Variants in RFWD3 observed in about 807,000 individuals in gnomAD.
The protein encoded by RFWD3 is E3 ubiquitin-protein ligase RFWD3.
RFWD3 carries 65 observed loss-of-function variants against 87.7 expected under a neutral mutation model. That is an observed-to-expected ratio of 0.74 (90% CI 0.61 to 0.91). The LOEUF (loss-of-function observed/expected upper bound fraction) is 0.91. Among genes scored for constraint, RFWD3 ranks in the 40% least tolerant of loss-of-function variants. The pLI is 0.00. For synonymous variants in RFWD3, 433 were observed against 352.8 expected, an observed-to-expected ratio of 1.23 and a Z score of -2.55; for missense variants, 1,078 against 938.5, an observed-to-expected ratio of 1.15 and a Z score of -1.94.
At chr16:74,626,822 G>GAGAC (rs10637348) in intron 11 of RFWD3, among the ~76,000 whole-genome samples, 1 of 60 alleles carries the variant, frequency 0.017, no homozygotes, top group Non-Finnish European at 0.045. Flanking sequence ...AAACAATTCT[G>GAGAC]TGAGTTGTCT....
intron 4 of RFWD3, among the ~76,000 whole-genome samples, chr16:74,645,745 C>CTTTTTTTTTTTTTTTTTTTT (rs71376293): frequency 2.7e-5 from 2 of 74,212 alleles, no homozygotes; most frequent in South Asian, 6.2e-4. Flanking sequence ...CAAATATTTT[C>CTTTTTTTTTTTTTTTTTTTT]TTTTTTTTTT....
chr16:74,623,462 CTT>C lies in RFWD3; in HGVS notation c.*464_*465del, dbSNP rs1567562710. On this transcript the variant is annotated 3_prime_UTR_variant, in exon 13 of 13. Coordinates refer to ENST00000361070, the MANE Select transcript of RFWD3 (RefSeq NM_018124.4). ...CTCTTGTGTTCAACTGAATAATACT[CTT>C]TTACATCTACGTTGCATCAAATCAG... 3 of 154,660 alleles carry C rather than the reference CTT, an allele frequency of 1.9e-5. No individual in the cohort carries two copies. Among genetic ancestry groups the C allele is most frequent in the Non-Finnish European group, 2.9e-5 (2 of 69,690 alleles). 9.6% of individuals were successfully genotyped at this position (154,660 alleles called of 1,614,324 possible).
chr16:74,651,979 G>A lies in RFWD3; in HGVS notation c.662C>T (p.Ser221Phe). The change falls in exon 3 of 13, where the codon TCT becomes TTT. Residue 221 changes from serine (S) to phenylalanine (F), a missense_variant. Coordinates refer to ENST00000361070, the MANE Select transcript of RFWD3 (RefSeq NM_018124.4). ...GTCAACAACCCCTCCATACTCTGCA[G>A]AGCTGTCACTGTCAGAATCAGAACT... ...SSSSDSDSDS[S>F]AEYGGVVDQA... 6.2e-7 allele frequency: 1 copy of A among 1,614,024 alleles called. No individual in the cohort carries two copies. Among genetic ancestry groups the A allele is most frequent in the Non-Finnish European group, 8.5e-7 (1 of 1,179,970 alleles).
intron 2 of RFWD3, 58 bp downstream of exon 2, chr16:74,660,874 T>A: frequency 6.5e-7 from 1 of 1,534,048 alleles, no homozygotes; most frequent in Non-Finnish European, 8.8e-7. Context: ...TGGCAGAGCC[T>A]CAGTTTCATA....
chr16:74,651,655 G>A (rs1379423434), intron 3 of RFWD3, among the ~76,000 whole-genome samples: 8 of 152,248 alleles, frequency 5.3e-5, no homozygotes, highest in South Asian at 4.1e-4. Context: ...TACTTTCTCA[G>A]ATGTCTGAAG....
chr16:74,661,305 C>G lies in RFWD3; in HGVS notation c.145G>C (p.Val49Leu). 2.5e-6 allele frequency: 4 copies of G among 1,613,996 alleles called. No individual in the cohort carries two copies. The South Asian group carries it at 4.4e-5, about 18-fold the overall frequency. ...VPADVVSSQG[V>L]PSILQPAPAE... ...GGAGCTGGCTGGAGGATGGATGGTA[C>G]CCCCTGGCTGCTGACCACATCAGCA... The change falls in exon 2 of 13, where the codon GTA (valine) becomes CTA (leucine). Residue 49 changes from valine (V) to leucine (L), a missense_variant. By Grantham distance (32) the Val-to-Leu change is conservative. Coordinates refer to ENST00000361070, the MANE Select transcript of RFWD3 (RefSeq NM_018124.4).
chr16:74,662,796 G>C (rs1438954866), intron 1 of RFWD3, among the ~76,000 whole-genome samples: 1 of 152,238 alleles, frequency 6.6e-6, no homozygotes, highest in East Asian at 1.9e-4. Flanking sequence ...GACCAGTGTA[G>C]AGGCTATTGT....
At chr16:74,649,069 G>A (rs940592991) in intron 4 of RFWD3, 63 bp downstream of exon 4, 147 of 1,115,498 alleles carry the variant, frequency 1.3e-4, no homozygotes, top group Non-Finnish European at 1.7e-4. Flanking sequence ...GTGAGAGTGA[G>A]ACCTAGTCTC....
chr16:74,644,796 T>TGTGCA, intron 4 of RFWD3, 61 bp from the exon 5 acceptor site: 1 of 1,513,054 alleles, frequency 6.6e-7, no homozygotes. Flanking sequence ...TTGAAGAAGA[T>TGTGCA]GTGCAACTAA....
chr16:74,625,633 C>T (rs1352558795), intron 12 of RFWD3, among the ~76,000 whole-genome samples: 3 of 152,068 alleles, frequency 2.0e-5, no homozygotes, highest in Admixed American at 1.3e-4. Context: ...GCCCACAACC[C>T]GGACTTGTGT....
At chr16:74,641,924 T>C (rs1444441314) in intron 6 of RFWD3, among the ~76,000 whole-genome samples, 1 of 34,474 alleles carries the variant, frequency 2.9e-5, no homozygotes, top group Non-Finnish European at 4.9e-5. Flanking sequence ...CAAAACTCCG[T>C]CTCCAAAAAA....
rs1959289018 is a variant in RFWD3, at chr16:74,637,923, G to C, written c.1127C>G (p.Ser376Ter). The C allele has an allele frequency of 6.2e-7, 1 of 1,612,634 alleles. No individual in the cohort carries two copies. Among genetic ancestry groups the C allele is most frequent in the Non-Finnish European group, 8.5e-7 (1 of 1,179,810 alleles). ...CTGCAGTTGGAGTCGGCACTGTGCT[G>C]ATTCTAACTCGGCCTGTTTCCTTAG... ...QMLRKQAELE[S>*]AQCRLQLQVL... The change falls in exon 7 of 13, where the codon TCA (serine) becomes TGA (stop). Residue 376 changes from serine to a stop codon, truncating the protein, a stop_gained. Transcript: ENST00000361070. LOFTEE classifies it high-confidence loss of function.
At chr16:74,645,363 C>G (rs1273232491) in intron 4 of RFWD3, among the ~76,000 whole-genome samples, 1 of 152,242 alleles carries the variant, frequency 6.6e-6, no homozygotes, top group African/African-American at 2.4e-5. Flanking sequence ...GATATATAGT[C>G]ATGCATTGCT....
rs1471842993 is a variant in RFWD3, at chr16:74,626,369, C to T, written c.2155G>A (p.Gly719Arg). The change falls in exon 12 of 13, where the codon GGG becomes AGG. Residue 719 changes from glycine to arginine, a missense_variant. Physicochemically the swap from Gly to Arg is moderately radical, Grantham distance 125. Transcript: ENST00000361070. The stretch of plus-strand genomic sequence containing the variant: ...AGGGCAGAATTTGCTGCTTCATCCC[C>T]AGTACACACCAGGATGTTGCCATCA... ...ENDGNILVCT[G>R]DEAANSALLW... The T allele has an allele frequency of 6.2e-7, 1 of 1,614,190 alleles. No individual in the cohort carries two copies. The highest frequency in any genetic ancestry group is 1.1e-5 in the South Asian group (1 of 91,084).
At chr16:74,649,065 G>T in intron 4 of RFWD3, 67 bp downstream of exon 4, 1 of 1,070,418 alleles carries the variant, frequency 9.3e-7, no homozygotes, top group Non-Finnish European at 1.3e-6. Context: ...CTGGGTGAGA[G>T]TGAGACCTAG....
intron 12 of RFWD3, among the ~76,000 whole-genome samples, chr16:74,624,766 T>C (rs1432328335): frequency 6.6e-6 from 1 of 152,124 alleles, no homozygotes; most frequent in East Asian, 1.9e-4. Flanking sequence ...GAGTCTGAGA[T>C]GGGAGGACAG....
At chr16:74,634,636 G>A (rs1959178473) in intron 8 of RFWD3, among the ~76,000 whole-genome samples, 1 of 151,998 alleles carries the variant, frequency 6.6e-6, no homozygotes, top group Non-Finnish European at 1.5e-5. Flanking sequence ...CGATCCTCCC[G>A]CCTTGGCCTC....
At chr16:74,644,335 C>A (rs1959927829) in intron 6 of RFWD3, 27 bp downstream of exon 6, 2 of 1,608,748 alleles carry the variant, frequency 1.2e-6, no homozygotes, top group Non-Finnish European at 1.7e-6. Context: ...AGGGAACATT[C>A]CAGCCAGGCA....
At chr16:74,631,282 G>A (rs1030758462) in intron 9 of RFWD3, among the ~76,000 whole-genome samples, 3 of 152,174 alleles carry the variant, frequency 2.0e-5, no homozygotes, top group African/African-American at 7.2e-5. Context: ...TCAGGAGTTT[G>A]AGACCAGCCT....
Sources: gnomAD v4.1 joint callset for allele counts (sites outside exome capture counted in the v4.1 genomes callset) on GRCh38, gnomAD v4.1.1 for gene constraint, MANE v1.5 for transcripts, NCBI Gene and HGNC (gene_info 2026-07-23, HGNC 2026-07-21) for gene names.